Variants in SV2C observed in about 807,000 individuals in gnomAD.
SV2C encodes synaptic vesicle glycoprotein 2C.
In SV2C, 49 loss-of-function variants were observed where a neutral mutation model predicts 79.7. The ratio of observed to expected loss-of-function variants is 0.61; its 90% CI spans 0.49 to 0.78. SV2C has a LOEUF of 0.78. SV2C is among the 30% of genes least tolerant of loss of function. The probability of loss-of-function intolerance (pLI) is 0.00; values close to 1 mark genes in which losing one functional copy is unlikely to be tolerated. For synonymous variants in SV2C, 334 were observed against 333.2 expected, an observed-to-expected ratio of 1.00 and a Z score of -0.03; for missense variants, 833 against 912.9, an observed-to-expected ratio of 0.91 and a Z score of 1.13.
chr5:76,095,044 C>G (rs1490086295), intron 1 of SV2C, among the ~76,000 whole-genome samples: 1 of 151,570 alleles, frequency 6.6e-6, no homozygotes, highest in Non-Finnish European at 1.5e-5. Flanking sequence ...ATATAGATTT[C>G]TTTCAATGTT....
intron 2 of SV2C, among the ~76,000 whole-genome samples, chr5:76,141,477 CT>C (rs746921943): frequency 9.2e-5 from 14 of 152,116 alleles, no homozygotes; most frequent in Non-Finnish European, 1.8e-4. Context: ...CACTGGAGAA[CT>C]TGCCGATGTA....
chr5:76,317,439 C>G (rs978630104), intron 12 of SV2C, among the ~76,000 whole-genome samples: 2 of 151,850 alleles, frequency 1.3e-5, no homozygotes, highest in African/African-American at 2.4e-5. Flanking sequence ...AACCACCCCC[C>G]CCAACACACA....
At chr5:76,227,853 C>A (rs1307831160) in intron 4 of SV2C, among the ~76,000 whole-genome samples, 2 of 152,188 alleles carry the variant, frequency 1.3e-5, no homozygotes, top group African/African-American at 4.8e-5. Context: ...GGTGGTGGCC[C>A]TAGCTGATGG....
chr5:76,220,466 GTT>G (rs1318179032), intron 4 of SV2C, among the ~76,000 whole-genome samples: 5 of 152,064 alleles, frequency 3.3e-5, no homozygotes, highest in African/African-American at 1.2e-4. Context: ...GAGCTCAGGA[GTT>G]CGAGGCCAGC....
intron 2 of SV2C, among the ~76,000 whole-genome samples, chr5:76,178,140 A>G (rs1348464445): frequency 3.9e-5 from 6 of 152,220 alleles, no homozygotes; most frequent in Non-Finnish European, 8.8e-5. Context: ...TCAGGGCTCC[A>G]AAAGCAAGTG....
At position 76,298,893 on chromosome 5, in the gene SV2C, C is replaced by T. The variant is rs774854791; in HGVS notation, c.1602C>T (p.Asn534=). The change falls in exon 10 of 13, where the codon AAC becomes AAT. Residue 534 remains asparagine (N), a synonymous_variant. Transcript: ENST00000502798. ...DVTSVNTYFK[N]CTFIDTVFDN... ...CTTCAGTGAACACCTACTTCAAGAA[C>T]TGCACATTTATTGACACTGTTTTTG... The T allele has an allele frequency of 2.5e-6, 4 of 1,613,944 alleles. No homozygotes were observed. The highest frequency in any genetic ancestry group is 3.4e-6 in the Non-Finnish European group (4 of 1,179,890).
chr5:76,283,259 G>A (rs1160137568), intron 4 of SV2C, among the ~76,000 whole-genome samples: 2 of 152,090 alleles, frequency 1.3e-5, no homozygotes, highest in East Asian at 3.9e-4. Flanking sequence ...GGAGGTTGCA[G>A]TGAGCTGAGA....
intron 4 of SV2C, among the ~76,000 whole-genome samples, chr5:76,276,311 G>A (rs1229972622): frequency 6.6e-6 from 1 of 152,200 alleles, no homozygotes; most frequent in Non-Finnish European, 1.5e-5. Flanking sequence ...CCCTCATGGT[G>A]TCTATCTCTC....
intron 4 of SV2C, among the ~76,000 whole-genome samples, chr5:76,266,499 C>T (rs1241664014): frequency 6.6e-6 from 1 of 152,202 alleles, no homozygotes; most frequent in Non-Finnish European, 1.5e-5. Flanking sequence ...TGAGCCACTG[C>T]ACCCAGGCAA....
the SV2C span, among the ~76,000 whole-genome samples, chr5:75,965,365 G>A: frequency 4.6e-5 from 7 of 152,180 alleles, no homozygotes; most frequent in Non-Finnish European, 7.3e-5. Context: ...CAAGGTGATG[G>A]TTTTGGAAGG....
chr5:75,866,214 ATT>A, the SV2C span, among the ~76,000 whole-genome samples: 635 of 151,222 alleles, frequency 4.2e-3, 2 homozygotes, highest in Non-Finnish European at 7.0e-3. Context: ...TCTCCAATGC[ATT>A]TTTTTTTCAT....
downstream of SV2C, among the ~76,000 whole-genome samples, chr5:76,337,010 G>A (rs1749343422): frequency 6.6e-6 from 1 of 152,062 alleles, no homozygotes; most frequent in Admixed American, 6.6e-5. Flanking sequence ...TTAAAACAAG[G>A]CAACATAAGT....
chr5:75,925,743 A>AT, the SV2C span, among the ~76,000 whole-genome samples: 2 of 125,646 alleles, frequency 1.6e-5, no homozygotes, highest in African/African-American at 7.6e-5. Context: ...ATCTTAAAAG[A>AT]TTTTTTTAAA....
At chr5:76,281,383 C>T in intron 4 of SV2C, 3 of 224,524 alleles carry the variant, frequency 1.3e-5, no homozygotes, top group Non-Finnish European at 2.6e-5. Context: ...TAAAAATAAA[C>T]TTGTTATGCA....
chr5:76,153,359 T>C (rs1293792702), intron 2 of SV2C, among the ~76,000 whole-genome samples: 1 of 152,204 alleles, frequency 6.6e-6, no homozygotes, highest in Non-Finnish European at 1.5e-5. Flanking sequence ...TTCTGATGTC[T>C]CTCGGCTCTC....
At chr5:76,175,155 C>T (rs901270121) in intron 2 of SV2C, among the ~76,000 whole-genome samples, 16 of 152,204 alleles carry the variant, frequency 1.1e-4, no homozygotes, top group Non-Finnish European at 1.6e-4. Flanking sequence ...CCAACCCCTA[C>T]GCTGGCCTGG....
intron 8 of SV2C, among the ~76,000 whole-genome samples, chr5:76,294,563 G>T (rs1003083113): frequency 1.3e-5 from 2 of 152,148 alleles, no homozygotes; most frequent in African/African-American, 4.8e-5. Flanking sequence ...GCCTCCCAAA[G>T]TGTTGGGATT....
rs1391294544 is a variant in SV2C, at chr5:76,329,015, C to G, written c.*3468C>G. On this transcript the variant is annotated 3_prime_UTR_variant, in exon 13 of 13. Transcript: ENST00000502798. ...TCCTGACCTCAAGTGATCGGCCCACCTCAGCCTCCCAAAATGCTGGGATTA... is the reference window on the plus strand; with the variant it reads ...TCCTGACCTCAAGTGATCGGCCCACGTCAGCCTCCCAAAATGCTGGGATTA... 6.6e-6 allele frequency: 1 copy of G among 152,206 alleles called. No individual in the cohort carries two copies. The highest frequency in any genetic ancestry group is 1.5e-5 in the Non-Finnish European group (1 of 68,066). The allele number at this position is 152,206 out of a possible 1,614,324, so 9.4% of individuals were successfully genotyped here.
At chr5:76,125,967 G>C (rs1425028144) in intron 1 of SV2C, among the ~76,000 whole-genome samples, 1 of 152,156 alleles carries the variant, frequency 6.6e-6, no homozygotes, top group East Asian at 1.9e-4. Flanking sequence ...TGAGGTGGGA[G>C]GGTCGCTTGA....
Sources: allele counts gnomAD v4.1 joint callset (sites outside exome capture counted in the v4.1 genomes callset), GRCh38; gene constraint gnomAD v4.1.1; transcripts MANE v1.5; gene names NCBI Gene and HGNC (gene_info 2026-07-23, HGNC 2026-07-21).